Variants in NR6A1 observed in about 807,000 individuals in gnomAD.
NR6A1 encodes retinoic acid receptor-related testis-associated receptor.
Under a neutral mutation model 59.1 loss-of-function variants are expected in NR6A1, and 7 were observed. The observed-to-expected ratio is 0.12, with a 90% CI of 0.07 to 0.22. The LOEUF is 0.22. NR6A1 is among the 10% of genes least tolerant of loss of function. The pLI, the probability that NR6A1 is intolerant of heterozygous loss-of-function variation, is 1.00. For synonymous variants in NR6A1, 243 were observed against 236.1 expected, an observed-to-expected ratio of 1.03 and a Z score of -0.27; for missense variants, 468 against 611.6, an observed-to-expected ratio of 0.77 and a Z score of 2.48.
intron 2 of NR6A1, among the ~76,000 whole-genome samples, chr9:124,639,883 A>T (rs12685828): frequency 0.023 from 3,549 of 152,314 alleles, 110 homozygotes; most frequent in East Asian, 0.096. Context: ...GCAGCAGCAG[A>T]AACAATTAGT....
intron 3 of NR6A1, among the ~76,000 whole-genome samples, chr9:124,547,013 GAACT>G (rs1833620578): frequency 6.6e-6 from 1 of 152,218 alleles, no homozygotes; most frequent in African/African-American, 2.4e-5. Context: ...ATGCCATACT[GAACT>G]AACAAGTTTT....
intron 2 of NR6A1, among the ~76,000 whole-genome samples, chr9:124,668,953 A>T (rs1251459195): frequency 1.3e-5 from 2 of 152,220 alleles, no homozygotes; most frequent in Non-Finnish European, 2.9e-5. Flanking sequence ...TTAAAGGAAA[A>T]CTCAAAATGA....
chr9:124,608,092 T>C (rs1359782719), intron 2 of NR6A1, among the ~76,000 whole-genome samples: 1 of 151,964 alleles, frequency 6.6e-6, no homozygotes, highest in Non-Finnish European at 1.5e-5. Flanking sequence ...ATTTCGTGCT[T>C]AGGAGGAAAA....
At chr9:124,599,573 GCC>G in intron 2 of NR6A1, 1 of 1,029,820 alleles carries the variant, frequency 9.7e-7, no homozygotes, top group African/African-American at 1.7e-5. Flanking sequence ...GTCCGTGGCA[GCC>G]GCCATGAGGG....
At chr9:124,527,010 T>C in intron 7 of NR6A1, 110 bp from the exon 8 acceptor site, 1 of 1,368,888 alleles carries the variant, frequency 7.3e-7, no homozygotes, top group Non-Finnish European at 1.0e-6. Context: ...TTGGGGGAAA[T>C]GGGATCCAAA....
At chr9:124,556,294 A>G (rs1404217740) in intron 2 of NR6A1, among the ~76,000 whole-genome samples, 1 of 152,146 alleles carries the variant, frequency 6.6e-6, no homozygotes, top group Non-Finnish European at 1.5e-5. Flanking sequence ...GAAACACATC[A>G]CATGCAAAAG....
chr9:124,689,727 AG>A (rs897486870), intron 2 of NR6A1, among the ~76,000 whole-genome samples: 9 of 152,226 alleles, frequency 5.9e-5, no homozygotes, highest in African/African-American at 2.2e-4. Context: ...CATTGGAATT[AG>A]CCCCCTTTCT....
At chr9:124,573,101 G>A (rs74772026) in intron 2 of NR6A1, among the ~76,000 whole-genome samples, 1 of 152,128 alleles carries the variant, frequency 6.6e-6, no homozygotes, top group African/African-American at 2.4e-5. Context: ...AGCGACAATG[G>A]GGTGGGAAAA....
rs1832723449 is a variant in NR6A1, at chr9:124,517,961, T to A, written c.*4744A>T. 1.3e-5 allele frequency: 2 copies of A among 151,836 alleles called. No individual in the cohort carries two copies. The highest frequency in any genetic ancestry group is 2.9e-5 in the Non-Finnish European group (2 of 67,972). The allele number at this position is 151,836 out of a possible 1,614,324, so 9.4% of individuals were successfully genotyped here. On this transcript the variant is annotated 3_prime_UTR_variant, in exon 10 of 10. Coordinates refer to ENST00000487099, the MANE Select transcript of NR6A1 (RefSeq NM_033334.4). Reference sequence around the variant, plus strand: ...GGATGTCGCTTAAGAGGTAGTTTTTTTTTTCTTTTTCATGGAAATTTGAAT... The same window carrying A: ...GGATGTCGCTTAAGAGGTAGTTTTTATTTTCTTTTTCATGGAAATTTGAAT...
At chr9:124,534,352 C>A (rs905861556) in intron 7 of NR6A1, among the ~76,000 whole-genome samples, 5 of 152,318 alleles carry the variant, frequency 3.3e-5, no homozygotes, top group African/African-American at 9.6e-5. Flanking sequence ...GGATTACAGG[C>A]ATGAGCCACG....
chr9:124,699,843 A>C (rs1564244136), intron 2 of NR6A1, among the ~76,000 whole-genome samples: 1 of 152,074 alleles, frequency 6.6e-6, no homozygotes, highest in Non-Finnish European at 1.5e-5. Flanking sequence ...ACTTCTCTGG[A>C]CATTTTGTTC....
At chr9:124,770,995 C>T in intron 1 of NR6A1, 25 bp downstream of exon 1, 3 of 1,193,524 alleles carry the variant, frequency 2.5e-6, no homozygotes, top group Non-Finnish European at 3.1e-6. Flanking sequence ...CTGCCTGGCC[C>T]GGGCGTCGCA....
At chr9:124,559,926 GAATT>G (rs1212070907) in intron 2 of NR6A1, among the ~76,000 whole-genome samples, 1 of 152,084 alleles carries the variant, frequency 6.6e-6, no homozygotes, top group African/African-American at 2.4e-5. Flanking sequence ...ATTTAAGACT[GAATT>G]AATTTTGCTT....
intron 7 of NR6A1, among the ~76,000 whole-genome samples, chr9:124,530,324 C>T (rs964104722): frequency 6.6e-6 from 1 of 152,206 alleles, no homozygotes; most frequent in African/African-American, 2.4e-5. Context: ...CACAGCCTGA[C>T]TGCAAAGCTT....
At chr9:124,576,883 G>A (rs568717691) in intron 2 of NR6A1, among the ~76,000 whole-genome samples, 2 of 152,102 alleles carry the variant, frequency 1.3e-5, no homozygotes, top group East Asian at 3.9e-4. Flanking sequence ...ATAGGGAGAC[G>A]CCATCTCTAT....
At chr9:124,597,500 AGAG>A (rs1284477624) in intron 2 of NR6A1, among the ~76,000 whole-genome samples, 1 of 152,164 alleles carries the variant, frequency 6.6e-6, no homozygotes, top group East Asian at 1.9e-4. Flanking sequence ...TGCACACAAC[AGAG>A]GTGTAGTAAG....
intron 4 of NR6A1, 119 bp from the exon 5 acceptor site, chr9:124,540,306 AT>A: frequency 7.3e-6 from 8 of 1,097,378 alleles, no homozygotes; most frequent in Non-Finnish European, 1.0e-5. Context: ...CCTCTCCTCC[AT>A]CCCCATATTC....
intron 2 of NR6A1, among the ~76,000 whole-genome samples, chr9:124,578,924 G>T (rs540545310): frequency 5.3e-5 from 8 of 152,250 alleles, no homozygotes; most frequent in Admixed American, 2.0e-4. Flanking sequence ...GATTATAGGG[G>T]ACTAGATCAT....
intron 5 of NR6A1, among the ~76,000 whole-genome samples, chr9:124,538,773 TA>T (rs2131352400): frequency 6.6e-6 from 1 of 152,152 alleles, no homozygotes; most frequent in African/African-American, 2.4e-5. Context: ...AACAACCCCC[TA>T]AATAGTCCAA....
Sources: allele counts gnomAD v4.1 joint callset (sites outside exome capture counted in the v4.1 genomes callset), GRCh38; gene constraint gnomAD v4.1.1; transcripts MANE v1.5; gene names NCBI Gene and HGNC (gene_info 2026-07-23, HGNC 2026-07-21).